Variants in EEF1G observed in about 807,000 individuals in gnomAD.
The protein encoded by EEF1G is elongation factor 1-gamma.
In EEF1G, 14 loss-of-function variants were observed where a neutral mutation model predicts 58.3. The observed-to-expected ratio is 0.24, with a 90% CI of 0.16 to 0.38. EEF1G has a LOEUF of 0.38. EEF1G is among the 10% of genes least tolerant of loss of function. EEF1G has a pLI of 1.00. For missense variants in EEF1G, 322 were observed against 550.1 expected (o/e 0.59, Z 4.15); for synonymous variants, 180 against 206.8 (o/e 0.87, Z 1.11).
In EEF1G at chr11:62,572,505, G is replaced by A. The variant is rs1345632378; in HGVS notation, c.171+79C>T. On this transcript the variant is annotated intron_variant, in intron 2 of 9. Coordinates refer to ENST00000329251, the MANE Select transcript of EEF1G (RefSeq NM_001404.5). The stretch of plus-strand genomic sequence containing the variant: ...ACATGGGAAGCTCCCTTTTAGAGAT[G>A]GGGGCCACCACCAGAGTGACAGAAT... The A allele has an allele frequency of 1.9e-6, 3 of 1,553,970 alleles. No homozygotes were observed. In the Admixed American group the frequency reaches 5.4e-5, roughly 28 times the overall value.
chr11:62,561,554 C>T (rs1261997077), intron 7 of EEF1G, among the ~76,000 whole-genome samples: 1 of 149,166 alleles, frequency 6.7e-6, no homozygotes, highest in Non-Finnish European at 1.5e-5. Flanking sequence ...CCTGTAGTCC[C>T]AGCTACTCGG....
chr11:62,572,443 T>C (rs1176149330), intron 2 of EEF1G, 141 bp downstream of exon 2: 2 of 1,158,732 alleles, frequency 1.7e-6, no homozygotes, highest in African/African-American at 3.1e-5. Flanking sequence ...AAATCTGTAT[T>C]TATCTCAAAA....
chr11:62,568,759 G>A (rs1353305233), intron 5 of EEF1G, among the ~76,000 whole-genome samples: 2 of 152,052 alleles, frequency 1.3e-5, no homozygotes, highest in Admixed American at 1.3e-4. Flanking sequence ...GATAACCTGA[G>A]GTCAGGAGTT....
chr11:62,561,388 A>T (rs868590540), intron 7 of EEF1G, among the ~76,000 whole-genome samples: 1 of 151,136 alleles, frequency 6.6e-6, no homozygotes, highest in Non-Finnish European at 1.5e-5. Flanking sequence ...TGGGGGGAAA[A>T]AAAAGGACAG....
At chr11:62,568,387 CAAAA>C (rs56838630) in intron 5 of EEF1G, among the ~76,000 whole-genome samples, 6 of 60,152 alleles carry the variant, frequency 1.0e-4, no homozygotes, top group Middle Eastern at 8.5e-3. Context: ...GACTCTGTCT[CAAAA>C]AAAAAAAAAA....
At chr11:62,564,814 T>C (rs1416544160) in intron 7 of EEF1G, among the ~76,000 whole-genome samples, 3 of 135,872 alleles carry the variant, frequency 2.2e-5, no homozygotes, top group Non-Finnish European at 4.6e-5. Context: ...ACACCTGTAA[T>C]CCCACCACTT....
At chr11:62,562,395 A>ATG (rs920383885) in intron 7 of EEF1G, among the ~76,000 whole-genome samples, 5 of 152,170 alleles carry the variant, frequency 3.3e-5, no homozygotes, top group African/African-American at 9.6e-5. Context: ...GTGTGTATAT[A>ATG]TGTGTGTGTG....
intron 7 of EEF1G, among the ~76,000 whole-genome samples, chr11:62,565,412 T>C (rs1178471284): frequency 6.6e-6 from 1 of 151,954 alleles, no homozygotes; most frequent in African/African-American, 2.4e-5. Flanking sequence ...GGGGAAAGCA[T>C]TTCTGGCAGC....
intron 7 of EEF1G, among the ~76,000 whole-genome samples, chr11:62,561,662 A>G (rs1392285865): frequency 2.8e-5 from 2 of 70,296 alleles, no homozygotes; most frequent in Non-Finnish European, 6.5e-5. Context: ...CTCCGTCTCA[A>G]AAAAAAAACA....
At chr11:62,567,568 G>T in intron 5 of EEF1G, 40 bp from the exon 6 acceptor site, 1 of 1,534,146 alleles carries the variant, frequency 6.5e-7, no homozygotes, top group Non-Finnish European at 8.8e-7. Flanking sequence ...CAGTGGAAAG[G>T]CCCTGAAGAG....
At chr11:62,569,678 A>G (rs911838854) in intron 5 of EEF1G, among the ~76,000 whole-genome samples, 2 of 152,196 alleles carry the variant, frequency 1.3e-5, no homozygotes, top group African/African-American at 4.8e-5. Context: ...TGTCATGGAA[A>G]CAGAACACAG....
At chr11:62,561,671 C>CAA (rs66756936) in intron 7 of EEF1G, among the ~76,000 whole-genome samples, 9 of 82,312 alleles carry the variant, frequency 1.1e-4, no homozygotes, top group African/African-American at 4.9e-4. Flanking sequence ...AAAAAAAAAA[C>CAA]AAAAAAAAAA....
intron 7 of EEF1G, among the ~76,000 whole-genome samples, chr11:62,564,869 C>G (rs926893291): frequency 2.6e-5 from 4 of 150,962 alleles, no homozygotes; most frequent in Admixed American, 2.6e-4. Flanking sequence ...AGATTGAGAC[C>G]ATCCTAGCTA....
Position 62,570,985 on chromosome 11 carries a change from G to A in EEF1G, c.502C>T (p.Leu168=), listed in dbSNP as rs778911048. The A allele has an allele frequency of 6.2e-7, 1 of 1,613,886 alleles. No individual in the cohort carries two copies. Among genetic ancestry groups the A allele is most frequent in the Non-Finnish European group, 8.5e-7 (1 of 1,179,840 alleles). ...TLADITVVCT[L]LWLYKQVLEP... ...TTCACCTGCTTATAGAGCCACAACA[G>A]GGTGCAGACAACTGTGATGTCAGCC... The change falls in exon 5 of 10, where the codon CTG becomes TTG. Residue 168 remains leucine, a synonymous_variant. Coordinates refer to ENST00000329251, the MANE Select transcript of EEF1G (RefSeq NM_001404.5).
At chr11:62,570,899 A>T (rs989046879) in intron 5 of EEF1G, 66 bp downstream of exon 5, 2 of 1,605,120 alleles carry the variant, frequency 1.2e-6, no homozygotes, top group African/African-American at 2.7e-5. Flanking sequence ...GGTAACCTAG[A>T]TACCTCGTCA....
intron 2 of EEF1G, 45 bp downstream of exon 2, chr11:62,572,539 C>G: frequency 6.2e-7 from 1 of 1,608,624 alleles, no homozygotes; most frequent in Non-Finnish European, 8.5e-7. Context: ...ATCGCAGGGC[C>G]TTGGTTTCTC....
chr11:62,560,091 C>T lies in EEF1G; in HGVS notation c.1133G>A (p.Arg378Gln), dbSNP rs531635027. 3.7e-6 allele frequency: 6 copies of T among 1,614,020 alleles called. No homozygotes were observed. The African/African-American group carries it at 4.0e-5, about 11-fold the overall frequency. ...CACCGGAAAGGCAAGCTCCTGGCCT[C>T]GGAAGACCCAGACTCCAGAAATGGA... ...SSSISGVWVF[R>Q]GQELAFPLSP... Residue 378 changes from arginine to glutamine, a missense_variant, in exon 9 of 10, where the codon CGA (arginine) becomes CAA (glutamine). Physicochemically the swap from Arg to Gln is conservative, Grantham distance 43. Around this residue, in one of 3 missense-constraint regions of EEF1G, gnomAD observed 208 missense variants for 323.7 expected, o/e 0.64. Transcript: ENST00000329251.
chr11:62,565,335 G>A (rs1050054916), intron 7 of EEF1G, among the ~76,000 whole-genome samples: 1 of 151,856 alleles, frequency 6.6e-6, no homozygotes, highest in African/African-American at 2.4e-5. Context: ...GCAGTGAGCC[G>A]TGATCACGCT....
At chr11:62,573,724 T>C in intron 1 of EEF1G, 107 bp downstream of exon 1, 1 of 1,489,652 alleles carries the variant, frequency 6.7e-7, no homozygotes, top group Non-Finnish European at 9.3e-7. Context: ...GACCCCCGAA[T>C]CAGTTCCCCA....
Sources: gnomAD v4.1 joint callset for allele counts (sites outside exome capture counted in the v4.1 genomes callset) on GRCh38, gnomAD v4.1.1 for gene constraint, gnomAD v4.1.1 regional missense constraint, MANE v1.5 for transcripts, NCBI Gene and HGNC (gene_info 2026-07-23, HGNC 2026-07-21) for gene names.